Variants in ZFP1 observed in about 807,000 individuals in gnomAD.
The protein encoded by ZFP1 is zinc finger protein 1 homolog.
In ZFP1, 32 loss-of-function variants were observed where a neutral mutation model predicts 38.5. The observed-to-expected ratio is 0.83, with a 90% CI of 0.63 to 1.12. ZFP1 has a LOEUF of 1.12. ZFP1 is among the 50% of genes most tolerant of loss of function. ZFP1 has a pLI of 0.00. For synonymous variants in ZFP1, 245 were observed against 168.8 expected, an observed-to-expected ratio of 1.45 and a Z score of -3.50; for missense variants, 616 against 480.8, an observed-to-expected ratio of 1.28 and a Z score of -2.63.
In ZFP1 at chr16:75,169,277, T is replaced by C; in HGVS notation, c.167T>C (p.Met56Thr). 1.9e-6 allele frequency: 3 copies of C among 1,613,016 alleles called. No individual in the cohort carries two copies. The highest frequency in any genetic ancestry group is 1.7e-5 in the Admixed American group (1 of 59,664). Residue 56 changes from methionine (M) to threonine (T), a missense_variant, in exon 4 of 4, where the codon ATG (methionine) becomes ACG (threonine). By Grantham distance (81) the Met-to-Thr change is moderately conservative. Transcript: ENST00000570010. ...GAAGTGTGGAAGGCTGATGACCAGA[T>C]GGAGAGAGACCACAGAAACCCAGAC... is the stretch of plus-strand genomic sequence containing the variant. ...SVEVWKADDQMERDHRNPDEQ... is the reference protein window; with the variant it reads ...SVEVWKADDQTERDHRNPDEQ...
At chr16:75,147,213 T>C (rs2036962562), upstream of ZFP1, among the ~76,000 whole-genome samples, 2 of 152,182 alleles carry the variant, frequency 1.3e-5, no homozygotes, top group Admixed American at 6.6e-5. Context: ...CAGGCATTTG[T>C]CAAGACCCAT....
intron 3 of ZFP1, among the ~76,000 whole-genome samples, chr16:75,168,955 T>C (rs2038259927): frequency 1.3e-5 from 2 of 152,182 alleles, no homozygotes; most frequent in Non-Finnish European, 1.5e-5. Context: ...CCTTCTCATA[T>C]TGTGTTCTGT....
intron 2 of ZFP1, 75 bp downstream of exon 2, chr16:75,153,041 T>G (rs1264989765): frequency 1.1e-5 from 18 of 1,570,270 alleles, no homozygotes; most frequent in Non-Finnish European, 1.5e-5. Flanking sequence ...GAAAATGAAA[T>G]AGAAAAGTAT....
intron 2 of ZFP1, among the ~76,000 whole-genome samples, chr16:75,160,122 T>C (rs1443115767): frequency 6.6e-6 from 1 of 152,224 alleles, no homozygotes; most frequent in Admixed American, 6.5e-5. Context: ...GAGGTGAATC[T>C]TTATGCAGAA....
intron 2 of ZFP1, among the ~76,000 whole-genome samples, chr16:75,159,249 CTTCCCTTCCT>C (rs2037624538): frequency 6.7e-6 from 1 of 149,920 alleles, no homozygotes; most frequent in African/African-American, 2.5e-5. Flanking sequence ...CTTCCCTTCC[CTTCCCTTCCT>C]TTCCCTTCCT....
Position 75,170,300 on chromosome 16 carries a change from T to G in ZFP1, c.1190T>G (p.Val397Gly), listed in dbSNP as rs764570488. ...TTTAGCAGGAAGTCCCGACTCAGTGTCCATCAGAGAGTTCACATCGGGGAG... is the reference window on the plus strand; with the variant it reads ...TTTAGCAGGAAGTCCCGACTCAGTGGCCATCAGAGAGTTCACATCGGGGAG... The part of the protein sequence containing the change: ...KAFSRKSRLS[V>G]HQRVHIGEKP The change falls in exon 4 of 4, where the codon GTC becomes GGC. Residue 397 changes from valine (V) to glycine (G), a missense_variant. Coordinates refer to ENST00000570010, the MANE Select transcript of ZFP1 (RefSeq NM_153688.4). The G allele has an allele frequency of 3.1e-6, 5 of 1,601,154 alleles. No homozygotes were observed. Among genetic ancestry groups the G allele is most frequent in the Middle Eastern group, 1.7e-4 (1 of 5,998 alleles).
chr16:75,158,743 G>A (rs1035223696), intron 2 of ZFP1, among the ~76,000 whole-genome samples: 9 of 149,914 alleles, frequency 6.0e-5, no homozygotes, highest in African/African-American at 2.2e-4. Flanking sequence ...TTAAGTGGTT[G>A]CTGTAGAGAT....
At chr16:75,153,682 TTGA>T (rs1167684459) in intron 2 of ZFP1, among the ~76,000 whole-genome samples, 3 of 152,210 alleles carry the variant, frequency 2.0e-5, no homozygotes, top group Non-Finnish European at 4.4e-5. Flanking sequence ...ATTGTTACAG[TTGA>T]TGAGCCAATA....
At chr16:75,125,497 T>A in the ZFP1 span, among the ~76,000 whole-genome samples, 4 of 151,866 alleles carry the variant, frequency 2.6e-5, no homozygotes, top group Admixed American at 2.6e-4. Context: ...TAATTTTGTA[T>A]TTTTTTAGTA....
the ZFP1 span, among the ~76,000 whole-genome samples, chr16:75,130,900 C>CA: frequency 2.0e-5 from 3 of 151,874 alleles, no homozygotes; most frequent in Admixed American, 1.3e-4. Flanking sequence ...TGTGGCCCCT[C>CA]AAACAAATGC....
At chr16:75,159,377 CTTCCTTCCT>C (rs1478425758) in intron 2 of ZFP1, among the ~76,000 whole-genome samples, 2 of 19,368 alleles carry the variant, frequency 1.0e-4, no homozygotes, top group Non-Finnish European at 3.3e-4. Flanking sequence ...CCCTCCCTCC[CTTCCTTCCT>C]TTCTCTCTCT....
At chr16:75,120,487 T>C in the ZFP1 span, among the ~76,000 whole-genome samples, 18,047 of 152,106 alleles carry the variant, frequency 0.12, 1,902 homozygotes, top group East Asian at 0.53. Context: ...TACTTTTGTA[T>C]TGTTGTTACC....
At chr16:75,123,366 G>GTATATA in the ZFP1 span, among the ~76,000 whole-genome samples, 17 of 138,172 alleles carry the variant, frequency 1.2e-4, no homozygotes, top group African/African-American at 4.6e-4. Context: ...ATATATATGT[G>GTATATA]TATATATATA....
intron 2 of ZFP1, among the ~76,000 whole-genome samples, chr16:75,161,382 T>A (rs1234686484): frequency 3.3e-5 from 5 of 151,700 alleles, no homozygotes; most frequent in African/African-American, 1.2e-4. Context: ...AACACTCACT[T>A]CTGCTTGGGC....
rs2038455837 is a variant in ZFP1, at chr16:75,171,939, C to T, written c.*1605C>T. 1 of 152,172 alleles carries T rather than the reference C, an allele frequency of 6.6e-6. No homozygotes were observed. Among genetic ancestry groups the T allele is most frequent in the South Asian group, 2.1e-4 (1 of 4,834 alleles). 9.4% of individuals were successfully genotyped at this position (152,172 alleles called of 1,614,324 possible). ...ATATACTCTTACAACCTAGGAATCT[C>T]CTGGGAATCTATCCCTAAGGAATAA... On this transcript the variant is annotated 3_prime_UTR_variant, in exon 4 of 4. Transcript: ENST00000570010.
chr16:75,165,096 C>T (rs762716893), intron 2 of ZFP1, among the ~76,000 whole-genome samples: 6 of 152,248 alleles, frequency 3.9e-5, no homozygotes, highest in East Asian at 1.9e-4. Flanking sequence ...TGAACCATCG[C>T]GCCCGGCCTC....
At chr16:75,126,180 T>C in the ZFP1 span, 1 of 152,170 alleles carries the variant, frequency 6.6e-6, no homozygotes, top group Non-Finnish European at 1.5e-5. Flanking sequence ...AGACAGAGTC[T>C]TGCTGTGTCG....
At chr16:75,152,760 T>C (rs934185560) in intron 1 of ZFP1, 149 bp from the exon 2 acceptor site, 1 of 617,848 alleles carries the variant, frequency 1.6e-6, no homozygotes, top group Non-Finnish European at 2.8e-6. Context: ...AGTATGATCT[T>C]TTCTGCCCCT....
At chr16:75,161,774 A>ATATATAATT (rs1555523101) in intron 2 of ZFP1, among the ~76,000 whole-genome samples, 1 of 7,818 alleles carries the variant, frequency 1.3e-4, no homozygotes, top group Non-Finnish European at 2.8e-4. Context: ...ATATATATAT[A>ATATATAATT]TTTTTTTTTT....
Sources: gnomAD v4.1 joint callset for allele counts (sites outside exome capture counted in the v4.1 genomes callset) on GRCh38, gnomAD v4.1.1 for gene constraint, MANE v1.5 for transcripts, NCBI Gene and HGNC (gene_info 2026-07-23, HGNC 2026-07-21) for gene names.